DCAF7: variants seen among roughly 807,000 people sequenced by gnomAD.
DCAF7 encodes the protein DDB1- and CUL4-associated factor 7.
DCAF7 carries 4 observed loss-of-function variants against 41.2 expected under a neutral mutation model. The observed-to-expected ratio is 0.10, with a 90% CI of 0.05 to 0.22. The LOEUF (loss-of-function observed/expected upper bound fraction) is 0.22. Ranked by LOEUF, DCAF7 falls within the 10% of genes least tolerant of loss-of-function variation. The pLI is 1.00. For missense variants in DCAF7, 131 were observed against 443.2 expected (o/e 0.30, Z 6.32); for synonymous variants, 143 against 164.2 (o/e 0.87, Z 0.99).
chr17:63,559,896 A>G (rs1304556938), intron 1 of DCAF7, among the ~76,000 whole-genome samples: 3 of 152,338 alleles, frequency 2.0e-5, no homozygotes, highest in East Asian at 3.9e-4. Flanking sequence ...TGAGAAAGCC[A>G]TGAAAGTAGA....
intron 1 of DCAF7, among the ~76,000 whole-genome samples, chr17:63,551,307 A>C (rs868720284): frequency 0.037 from 3,137 of 85,302 alleles, 3 homozygotes; most frequent in Middle Eastern, 0.049. Context: ...CCCTACTCCC[A>C]CCCCCCCCGG....
At chr17:63,579,526 A>G (rs536221362) in intron 3 of DCAF7, 78 bp downstream of exon 3, 1 of 1,064,272 alleles carries the variant, frequency 9.4e-7, no homozygotes, top group Admixed American at 2.2e-5. Context: ...TGGGCCATAC[A>G]TCCTAGAACA....
At chr17:63,564,702 G>T (rs2033422136) in intron 1 of DCAF7, among the ~76,000 whole-genome samples, 1 of 152,200 alleles carries the variant, frequency 6.6e-6, no homozygotes, top group Non-Finnish European at 1.5e-5. Context: ...ATAAGCCAGA[G>T]CCAGAGAGCC....
chr17:63,559,431 A>ATGTATATATATATGTGTGTGTG (rs1555680859), intron 1 of DCAF7, among the ~76,000 whole-genome samples: 32 of 98,172 alleles, frequency 3.3e-4, no homozygotes, highest in Non-Finnish European at 3.4e-4. Context: ...GTATATATAT[A>ATGTATATATATATGTGTGTGTG]TGTGTGTGTA....
At position 63,589,058 on chromosome 17, in the gene DCAF7, C is replaced by T; in HGVS notation, c.915C>T (p.Asp305=). 6.2e-7 allele frequency: 1 copy of T among 1,613,970 alleles called. No homozygotes were observed. Among genetic ancestry groups the T allele is most frequent in the African/African-American group, 1.3e-5 (1 of 75,028 alleles). Residue 305 remains aspartate (D), a synonymous_variant, in exon 7 of 7, where the codon GAC becomes GAT. Transcript: ENST00000614556. ...DIQQMPRAIE[D]PILAYTAEGE... is the part of the protein sequence containing the mutation. ...AGCAAATGCCCCGAGCCATTGAGGA[C>T]CCTATCCTGGCCTACACAGCTGAAG...
At position 63,589,370 on chromosome 17, in the gene DCAF7, C is replaced by G. The variant is rs939101205; in HGVS notation, c.*198C>G. On this transcript the variant is annotated 3_prime_UTR_variant, in exon 7 of 7. Coordinates refer to ENST00000614556, the MANE Select transcript of DCAF7 (RefSeq NM_005828.5). ...GTGGCAGACTCAGTGCTGTGTGGCG[C>G]CTCCTCAGCCCAGGGCTGAGTTTTA... 1.1e-5 allele frequency: 8 copies of G among 715,880 alleles called. No homozygotes were observed. In the Admixed American group the frequency reaches 1.3e-4, roughly 11 times the overall value. The allele number at this position is 715,880 out of a possible 1,614,324, so 44.3% of individuals were successfully genotyped here.
chr17:63,568,422 C>T (rs2033468478), intron 1 of DCAF7, among the ~76,000 whole-genome samples: 1 of 152,134 alleles, frequency 6.6e-6, no homozygotes, highest in African/African-American at 2.4e-5. Flanking sequence ...CTTTGGTTAT[C>T]AGTTATATTA....
At chr17:63,582,183 T>G (rs555207673) in intron 4 of DCAF7, among the ~76,000 whole-genome samples, 1 of 152,288 alleles carries the variant, frequency 6.6e-6, no homozygotes, top group South Asian at 2.1e-4. Flanking sequence ...GCCCGGTCCC[T>G]TTTGAACCAC....
At chr17:63,564,154 CACACACACAT>C (rs1398173883) in intron 1 of DCAF7, among the ~76,000 whole-genome samples, 7 of 151,936 alleles carry the variant, frequency 4.6e-5, no homozygotes, top group African/African-American at 9.7e-5. Flanking sequence ...CACACACACA[CACACACACAT>C]ACACATATAT....
intron 4 of DCAF7, among the ~76,000 whole-genome samples, chr17:63,581,501 G>A (rs2033622497): frequency 6.6e-6 from 1 of 152,200 alleles, no homozygotes; most frequent in South Asian, 2.1e-4. Context: ...ACCTGGCAGA[G>A]ACGCTTCTAG....
chr17:63,589,305 C>T lies in DCAF7; in HGVS notation c.*133C>T. 1 of 1,257,334 alleles carries T rather than the reference C, an allele frequency of 8.0e-7. No homozygotes were observed. Among genetic ancestry groups the T allele is most frequent in the Non-Finnish European group, 1.1e-6 (1 of 888,890 alleles). The allele number at this position is 1,257,334 out of a possible 1,614,324, so 77.9% of individuals were successfully genotyped here. A position where few individuals can be genotyped will look rare whatever the true frequency, so the allele number is the denominator to read the frequency against. On this transcript the variant is annotated 3_prime_UTR_variant, in exon 7 of 7. Coordinates refer to ENST00000614556, the MANE Select transcript of DCAF7 (RefSeq NM_005828.5). ...GCTTTGCACCCACTGTTACCAGAAG[C>T]TGCTCTAGGAGTTCCTGGCCAGTCA...
At chr17:63,568,332 A>T (rs1388191345) in intron 1 of DCAF7, among the ~76,000 whole-genome samples, 1 of 152,206 alleles carries the variant, frequency 6.6e-6, no homozygotes, top group African/African-American at 2.4e-5. Context: ...TACATGGTAG[A>T]ATTGGGCATG....
chr17:63,551,303 T>TCCCCC (rs772481367), intron 1 of DCAF7, among the ~76,000 whole-genome samples: 17 of 79,518 alleles, frequency 2.1e-4, no homozygotes, highest in Admixed American at 2.8e-4. Context: ...CGCCCCCTAC[T>TCCCCC]CCCACCCCCC....
At chr17:63,557,967 C>T (rs190140710) in intron 1 of DCAF7, among the ~76,000 whole-genome samples, 1 of 152,044 alleles carries the variant, frequency 6.6e-6, no homozygotes, top group Non-Finnish European at 1.5e-5. Context: ...ATGATCCCAG[C>T]TCACTGCACT....
intron 3 of DCAF7, 77 bp from the exon 4 acceptor site, chr17:63,579,748 A>G (rs941009642): frequency 8.0e-7 from 1 of 1,245,582 alleles, no homozygotes; most frequent in African/African-American, 1.5e-5. Context: ...TGGGCTGAGC[A>G]GATGAGTAAA....
At chr17:63,556,225 A>G (rs1433166913) in intron 1 of DCAF7, among the ~76,000 whole-genome samples, 1 of 152,236 alleles carries the variant, frequency 6.6e-6, no homozygotes, top group Non-Finnish European at 1.5e-5. Context: ...TAAAAATTAC[A>G]TATACATACA....
intron 6 of DCAF7, among the ~76,000 whole-genome samples, chr17:63,587,934 C>T (rs928597834): frequency 1.0e-4 from 15 of 147,508 alleles, no homozygotes; most frequent in African/African-American, 3.5e-4. Flanking sequence ...TGCAGTGAGC[C>T]GAGATTGCAC....
chr17:63,580,006 G>C (rs1162771059), intron 4 of DCAF7, 63 bp downstream of exon 4: 1 of 1,264,912 alleles, frequency 7.9e-7, no homozygotes, highest in East Asian at 2.4e-5. Context: ...ACAGGAAGAG[G>C]TCAGCTTGTT....
At chr17:63,559,614 C>A (rs1446056181) in intron 1 of DCAF7, among the ~76,000 whole-genome samples, 2 of 151,250 alleles carry the variant, frequency 1.3e-5, no homozygotes, top group Non-Finnish European at 2.9e-5. Flanking sequence ...CCAGTCTGGT[C>A]AGCATGGTGA....
Sources: gnomAD v4.1 joint callset for allele counts (sites outside exome capture counted in the v4.1 genomes callset) on GRCh38, gnomAD v4.1.1 for gene constraint, MANE v1.5 for transcripts, NCBI Gene and HGNC (gene_info 2026-07-23, HGNC 2026-07-21) for gene names.